The following PPP1R14A variants were observed in gnomAD, a reference collection of about 807,000 sequenced individuals.
PPP1R14A encodes the protein protein phosphatase 1 regulatory inhibitor subunit 14A, also known as protein phosphatase 1 regulatory subunit 14A.
PPP1R14A carries 9 observed loss-of-function variants against 14.1 expected under a neutral mutation model. The observed-to-expected ratio is 0.64, with a 90% CI of 0.38 to 1.11. PPP1R14A has a LOEUF of 1.11. Among genes scored for constraint, PPP1R14A ranks in the 50% most tolerant of loss-of-function variants. The pLI is 0.01. For synonymous variants in PPP1R14A, 93 were observed against 88.7 expected (o/e 1.05, Z -0.27); for missense variants, 208 against 200.7 (o/e 1.04, Z -0.22).
rs1204492385 is a variant in PPP1R14A, at chr19:38,252,999, T to C, written c.202-25A>G. The stretch of plus-strand genomic sequence containing the variant: ...CCTAGGGCCAGGGAGGGAGGGGTGC[T>C]TAGGATCCCCTTCCCTCCCTCCCTC... On this transcript the variant is annotated intron_variant, in intron 1 of 3. Transcript: ENST00000301242. This position sits in a 1 kb window ranked among gnomAD's most constrained non-coding sequence, Gnocchi z 4.1. The C allele has an allele frequency of 1.3e-6, 2 of 1,561,804 alleles. No homozygotes were observed. Among genetic ancestry groups the C allele is most frequent in the Non-Finnish European group, 1.8e-6 (2 of 1,132,928 alleles).
chr19:38,253,254 C>G (rs1968211269), intron 1 of PPP1R14A: 2 of 402,900 alleles, frequency 5.0e-6, no homozygotes, highest in Non-Finnish European at 9.1e-6. Flanking sequence ...CGCCTTGGCT[C>G]TAGTTCCCAC....
chr19:38,252,004 G>A lies in PPP1R14A; in HGVS notation c.315+302C>T. 2.0e-6 allele frequency: 1 copy of A among 494,926 alleles called. No homozygotes were observed. The highest frequency in any genetic ancestry group is 3.6e-6 in the Non-Finnish European group (1 of 275,952). 30.7% of individuals were successfully genotyped at this position (494,926 alleles called of 1,614,324 possible). A position where few individuals can be genotyped will look rare whatever the true frequency, so the allele number is the denominator to read the frequency against. Reference sequence around the variant, plus strand: ...GGTGGCGGAGGCAGTGACAGGGGAGGACAGAGGGAGACTGAGCCCGAAGGC... The same window carrying A: ...GGTGGCGGAGGCAGTGACAGGGGAGAACAGAGGGAGACTGAGCCCGAAGGC... On this transcript the variant is annotated intron_variant, in intron 3 of 3. Transcript: ENST00000301242. This position sits in a 1 kb window ranked among gnomAD's most constrained non-coding sequence, Gnocchi z 4.1.
chr19:38,254,519 A>G (rs1169241612), intron 1 of PPP1R14A, among the ~76,000 whole-genome samples: 2 of 151,932 alleles, frequency 1.3e-5, no homozygotes, highest in Admixed American at 1.3e-4. Flanking sequence ...TGGCCAGGCT[A>G]GTCTCGTACT....
Position 38,252,118 on chromosome 19 carries a change from G to T in PPP1R14A, c.315+188C>A. ...GCCCCCTCAGCAGATGGGGGAGAGA[G>T]GGAGAGAGACAAGTAGGAGGACAAA... On this transcript the variant is annotated intron_variant, in intron 3 of 3. Transcript: ENST00000301242. The surrounding 1 kb of genome is among the most constrained non-coding windows in gnomAD (Gnocchi z 4.1). The T allele has an allele frequency of 1.6e-6, 1 of 617,668 alleles. No individual in the cohort carries two copies. Among genetic ancestry groups the T allele is most frequent in the South Asian group, 1.9e-5 (1 of 52,314 alleles). 38.3% of individuals were successfully genotyped at this position (617,668 alleles called of 1,614,324 possible).
At chr19:38,251,569 A>C (rs2146254694) in intron 3 of PPP1R14A, 123 bp from the exon 4 acceptor site, 1 of 640,086 alleles carries the variant, frequency 1.6e-6, no homozygotes, top group Non-Finnish European at 2.5e-6. Flanking sequence ...GGGGGGAGTT[A>C]GGGGCGGAGG....
rs1256930426 is a variant in PPP1R14A at position 38,252,214 on chromosome 19, T to G, written c.315+92A>C. On this transcript the variant is annotated intron_variant, in intron 3 of 3. Coordinates refer to ENST00000301242, the MANE Select transcript of PPP1R14A (RefSeq NM_033256.3). The surrounding 1 kb of genome is among the most constrained non-coding windows in gnomAD (Gnocchi z 4.1). ...CCGGGGGTGGTGGGGCCGGGTGGTG[T>G]TCCCCAGAGACCCTTCTGCCAGCTT... The G allele has an allele frequency of 1.3e-5, 17 of 1,306,822 alleles. No homozygotes were observed. Among genetic ancestry groups the G allele is most frequent in the Non-Finnish European group, 1.7e-5 (16 of 925,922 alleles). 81.0% of individuals were successfully genotyped at this position (1,306,822 alleles called of 1,614,324 possible).
chr19:38,256,261 G>A lies in PPP1R14A; in HGVS notation c.79C>T (p.Pro27Ser). 6.5e-7 allele frequency: 1 copy of A among 1,548,096 alleles called. No individual in the cohort carries two copies. The highest frequency in any genetic ancestry group is 8.7e-7 in the Non-Finnish European group (1 of 1,152,384). The change falls in exon 1 of 4, where the codon CCC becomes TCC. Residue 27 changes from proline to serine, a missense_variant. Transcript: ENST00000301242. This position sits in a 1 kb window ranked among gnomAD's most constrained non-coding sequence, Gnocchi z 5.7. Reference protein sequence around the residue: ...PSRARGPGGSPGGLQKRHARV... With the variant: ...PSRARGPGGSSGGLQKRHARV... ...GCGTGCCGCTTCTGCAGCCCCCCGG[G>A]ACTGCCCCCTGGCCCGCGGGCCCGC...
chr19:38,252,190 C>A lies in PPP1R14A; in HGVS notation c.315+116G>T. ...AGAGCTGCGGAGGGCAGGTTGGGGC[C>A]GGGGGTGGTGGGGCCGGGTGGTGTT... On this transcript the variant is annotated intron_variant, in intron 3 of 3. Coordinates refer to ENST00000301242, the MANE Select transcript of PPP1R14A (RefSeq NM_033256.3). This position sits in a 1 kb window ranked among gnomAD's most constrained non-coding sequence, Gnocchi z 4.1. The A allele has an allele frequency of 2.3e-6, 2 of 886,416 alleles. No homozygotes were observed. The highest frequency in any genetic ancestry group is 3.5e-6 in the Non-Finnish European group (2 of 577,988). The allele number at this position is 886,416 out of a possible 1,614,324, so 54.9% of individuals were successfully genotyped here. A position where few individuals can be genotyped will look rare whatever the true frequency, so the allele number is the denominator to read the frequency against.
intron 3 of PPP1R14A, chr19:38,251,758 G>C: frequency 4.7e-6 from 2 of 425,644 alleles, no homozygotes; most frequent in Non-Finnish European, 4.1e-6. Context: ...GAGACAGAGA[G>C]AGACATAAGG....
intron 1 of PPP1R14A, 35 bp from the exon 2 acceptor site, chr19:38,253,009 C>G: frequency 6.6e-7 from 1 of 1,526,384 alleles, no homozygotes; most frequent in Non-Finnish European, 9.1e-7. Flanking sequence ...TTAGGATCCC[C>G]TTCCCTCCCT....
chr19:38,251,403 C>T lies in PPP1R14A; in HGVS notation c.359G>A (p.Arg120Lys). The stretch of plus-strand genomic sequence containing the variant: ...GCTTGGCTGGCGGAGGCCGGGCTGC[C>T]TGTGGAGGCCTTGAAGCTTTGCCAG... ...ELLAKLQGLH[R>K]QPGLRQPSPS... Residue 120 changes from arginine (R) to lysine (K), a missense_variant, in exon 4 of 4, where the codon AGG (arginine) becomes AAG (lysine). By Grantham distance (26) the Arg-to-Lys change is conservative (BLOSUM62 2). Coordinates refer to ENST00000301242, the MANE Select transcript of PPP1R14A (RefSeq NM_033256.3). The T allele has an allele frequency of 1.9e-6, 3 of 1,561,446 alleles. No homozygotes were observed. The highest frequency in any genetic ancestry group is 1.2e-5 in the South Asian group (1 of 84,206).
Position 38,251,322 on chromosome 19 carries a change from G to T in PPP1R14A, c.440C>A (p.Pro147His). 6.7e-7 allele frequency: 1 copy of T among 1,501,612 alleles called. No homozygotes were observed. Among genetic ancestry groups the T allele is most frequent in the Non-Finnish European group, 8.8e-7 (1 of 1,139,098 alleles). The allele number at this position is 1,501,612 out of a possible 1,614,324, so 93.0% of individuals were successfully genotyped here. The stretch of plus-strand genomic sequence containing the variant: ...GGCAGGGAGAGTGCAAGAGGGTCAG[G>T]GGTGAGCAGTCCGGGCCCGGTCCTG... ...PLQDRARTAH[P>H] Residue 147 changes from proline (P) to histidine (H), a missense_variant, in exon 4 of 4, where the codon CCC becomes CAC. Physicochemically the swap from Pro to His is moderately conservative, Grantham distance 77. Transcript: ENST00000301242.
intron 1 of PPP1R14A, among the ~76,000 whole-genome samples, chr19:38,254,288 C>T (rs1482755253): frequency 2.6e-5 from 4 of 152,010 alleles, no homozygotes; most frequent in Non-Finnish European, 4.4e-5. Context: ...AGCAACATAG[C>T]GAGGCCCCAT....
intron 1 of PPP1R14A, among the ~76,000 whole-genome samples, chr19:38,254,831 T>A (rs1394762561): frequency 2.0e-5 from 3 of 152,124 alleles, no homozygotes; most frequent in Non-Finnish European, 2.9e-5. Context: ...TTCGCTCTTG[T>A]TGCCCAGGCT....
Position 38,251,334 on chromosome 19 carries a change from C to CG in PPP1R14A, c.427dup (p.Arg143ProfsTer24). 1 of 1,521,682 alleles carries CG rather than the reference C, an allele frequency of 6.6e-7. No individual in the cohort carries two copies. The highest frequency in any genetic ancestry group is 8.7e-7 in the Non-Finnish European group (1 of 1,147,340). The allele number at this position is 1,521,682 out of a possible 1,614,324, so 94.3% of individuals were successfully genotyped here. ...GCAAGAGGGTCAGGGGTGAGCAGTCCGGGCCCGGTCCTGGAGGGGGCTGAG... is the reference window on the plus strand; with the variant it reads ...GCAAGAGGGTCAGGGGTGAGCAGTCCGGGGCCCGGTCCTGGAGGGGGCTGAG... On this transcript the variant is annotated frameshift_variant, in exon 4 of 4. Transcript: ENST00000301242. LOFTEE classifies it high-confidence loss of function.
intron 1 of PPP1R14A, 76 bp from the exon 2 acceptor site, chr19:38,253,050 C>A (rs1464170423): frequency 1.7e-6 from 2 of 1,164,704 alleles, no homozygotes; most frequent in Non-Finnish European, 2.5e-6. Flanking sequence ...TCTGCAGGAG[C>A]CCCACCGGCC....
At chr19:38,254,622 A>G (rs1968226398) in intron 1 of PPP1R14A, among the ~76,000 whole-genome samples, 1 of 151,096 alleles carries the variant, frequency 6.6e-6, no homozygotes, top group Admixed American at 6.6e-5. Context: ...CCCCACCTCT[A>G]AGGAAAAGAA....
chr19:38,254,268 G>A (rs1187215614), intron 1 of PPP1R14A, among the ~76,000 whole-genome samples: 1 of 152,132 alleles, frequency 6.6e-6, no homozygotes, highest in Non-Finnish European at 1.5e-5. Flanking sequence ...AGGAGTTCAA[G>A]ATCAGCCTGA....
Position 38,256,272 on chromosome 19 carries a change from G to T in PPP1R14A, c.68C>A (p.Pro23Gln). Residue 23 changes from proline (P) to glutamine (Q), a missense_variant, in exon 1 of 4, where the codon CCA becomes CAA. Pro to Gln is a moderately conservative substitution (Grantham distance 76). Coordinates refer to ENST00000301242, the MANE Select transcript of PPP1R14A (RefSeq NM_033256.3). The surrounding 1 kb of genome is among the most constrained non-coding windows in gnomAD (Gnocchi z 5.7). ...KLQSPSRARG[P>Q]GGSPGGLQKR... ...CTGCAGCCCCCCGGGACTGCCCCCT[G>T]GCCCGCGGGCCCGCGATGGAGACTG... 6.5e-7 allele frequency: 1 copy of T among 1,542,056 alleles called. No individual in the cohort carries two copies.
Sources: gnomAD v4.1 joint callset for allele counts (sites outside exome capture counted in the v4.1 genomes callset) on GRCh38, gnomAD v4.1.1 for gene constraint, Gnocchi (gnomAD v3.1) non-coding constraint, MANE v1.5 for transcripts, NCBI Gene and HGNC (gene_info 2026-07-23, HGNC 2026-07-21) for gene names.